Variants in EEA1 observed in about 807,000 individuals in gnomAD.
EEA1 encodes the protein early endosome antigen 1, 162kD.
In EEA1, 111 loss-of-function variants were observed where a neutral mutation model predicts 209.2. That is an observed-to-expected ratio of 0.53 (90% CI 0.45 to 0.62). The LOEUF (loss-of-function observed/expected upper bound fraction) is 0.62, where lower values mean the gene tolerates loss of function less well. Among genes scored for constraint, EEA1 ranks in the 20% least tolerant of loss-of-function variants. The probability of loss-of-function intolerance (pLI) is 0.00; values close to 1 mark genes in which losing one functional copy is unlikely to be tolerated. For missense variants in EEA1, 1,343 were observed against 1,530.8 expected (o/e 0.88, Z 2.05); for synonymous variants, 536 against 540.6 (o/e 0.99, Z 0.12).
In EEA1 at chr12:92,799,215, T is replaced by C. The variant is rs567267129; in HGVS notation, c.2773-129A>G. Reference sequence around the variant, plus strand: ...AAAAGACAATTTACTGAGTAACTACTACACTCCAGGCACTACTCTAGGAAG... The same window carrying C: ...AAAAGACAATTTACTGAGTAACTACCACACTCCAGGCACTACTCTAGGAAG... On this transcript the variant is annotated intron_variant, in intron 20 of 28. Coordinates refer to ENST00000322349, the MANE Select transcript of EEA1 (RefSeq NM_003566.4). 22 of 737,860 alleles carry C rather than the reference T, an allele frequency of 3.0e-5. No homozygotes were observed. The South Asian group carries it at 4.8e-4, about 16-fold the overall frequency. The allele number at this position is 737,860 out of a possible 1,614,324, so 45.7% of individuals were successfully genotyped here. A position where few individuals can be genotyped will look rare whatever the true frequency, so the allele number is the denominator to read the frequency against.
rs1439374206 is a variant in EEA1 at position 92,774,006 on chromosome 12, G to A, written c.*2005C>T. 1 of 126,050 alleles carries A rather than the reference G, an allele frequency of 7.9e-6. No homozygotes were observed. Among genetic ancestry groups the A allele is most frequent in the Non-Finnish European group, 1.6e-5 (1 of 60,824 alleles). The allele number at this position is 126,050 out of a possible 1,614,324, so 7.8% of individuals were successfully genotyped here. On this transcript the variant is annotated 3_prime_UTR_variant, in exon 29 of 29. Transcript: ENST00000322349. ...GAGTGGTGTTCAATTAGGAGACAAA[G>A]TAAACAAATATTCAAACCCAGATTT...
Position 92,884,812 on chromosome 12 carries a change from T to C in EEA1, c.117+6817A>G, listed in dbSNP as rs187040200. 171 of 719,036 alleles carry C rather than the reference T, an allele frequency of 2.4e-4. No individual in the cohort carries two copies. The African/African-American group carries it at 2.6e-3, about 11-fold the overall frequency. 44.5% of individuals were successfully genotyped at this position (719,036 alleles called of 1,614,324 possible). A position where few individuals can be genotyped will look rare whatever the true frequency, so the allele number is the denominator to read the frequency against. On this transcript the variant is annotated intron_variant, in intron 2 of 28. Coordinates refer to ENST00000322349, the MANE Select transcript of EEA1 (RefSeq NM_003566.4). ...AAGCACAGTGGTGGCAGGGCCTAGC[T>C]GCTACAAAGAAGACCTGTTTTAGAC...
chr12:92,776,028 T>G lies in EEA1; in HGVS notation c.4219A>C (p.Asn1407His). 1 of 1,611,010 alleles carries G rather than the reference T, an allele frequency of 6.2e-7. No homozygotes were observed. The highest frequency in any genetic ancestry group is 8.5e-7 in the Non-Finnish European group (1 of 1,178,058). ...ATAACCCATTATCCTTGCAAGTCAT[T>G]GAAACATGCATCACAGACACGAACA... ...KPVRVCDACF[N>H]DLQG The change falls in exon 29 of 29, where the codon AAT (asparagine) becomes CAT (histidine). Residue 1407 changes from asparagine to histidine, a missense_variant. Physicochemically the swap from Asn to His is moderately conservative, Grantham distance 68. Coordinates refer to ENST00000322349, the MANE Select transcript of EEA1 (RefSeq NM_003566.4).
At chr12:92,812,179 A>G (rs1035499907) in intron 16 of EEA1, among the ~76,000 whole-genome samples, 8 of 152,014 alleles carry the variant, frequency 5.3e-5, no homozygotes, top group African/African-American at 1.9e-4. Context: ...AAAATACAAA[A>G]TTAGCCAGGC....
chr12:92,895,557 C>T (rs1879843883), intron 1 of EEA1: 1 of 153,648 alleles, frequency 6.5e-6, no homozygotes, highest in South Asian at 2.0e-4. Flanking sequence ...ATTGACAATT[C>T]ACCTGGTCAC....
chr12:92,885,133 T>G (rs1036147246), intron 2 of EEA1, among the ~76,000 whole-genome samples: 10 of 152,024 alleles, frequency 6.6e-5, no homozygotes, highest in African/African-American at 2.2e-4. Flanking sequence ...AGGCTTCTGG[T>G]CAACAATAGG....
intron 22 of EEA1, among the ~76,000 whole-genome samples, chr12:92,787,047 TC>T (rs1303010003): frequency 6.6e-6 from 1 of 152,164 alleles, no homozygotes; most frequent in Non-Finnish European, 1.5e-5. Context: ...AAGTCCCACC[TC>T]CTTCATAATT....
In EEA1 at chr12:92,773,021, C is replaced by A. The variant is rs988809237; in HGVS notation, c.*2990G>T. Reference sequence around the variant, plus strand: ...ATTCAGGCTAAGGGCAATTAAGACACAATAATGTGTGGCACGTTATAATTA... The same window carrying A: ...ATTCAGGCTAAGGGCAATTAAGACAAAATAATGTGTGGCACGTTATAATTA... On this transcript the variant is annotated 3_prime_UTR_variant, in exon 29 of 29. Transcript: ENST00000322349. 2.6e-5 allele frequency: 4 copies of A among 152,070 alleles called. No individual in the cohort carries two copies. In the South Asian group the frequency reaches 8.3e-4, roughly 32 times the overall value. 9.4% of individuals were successfully genotyped at this position (152,070 alleles called of 1,614,324 possible).
intron 15 of EEA1, among the ~76,000 whole-genome samples, chr12:92,815,547 ATCAAGCCT>A (rs1487244560): frequency 6.6e-6 from 1 of 152,166 alleles, no homozygotes; most frequent in Non-Finnish European, 1.5e-5. Context: ...TTACAGTAAA[ATCAAGCCT>A]TGAACTATTT....
chr12:92,811,379 T>G lies in EEA1; in HGVS notation c.2099A>C (p.Lys700Thr). The change falls in exon 17 of 29, where the codon AAG becomes ACG. Residue 700 changes from lysine (K) to threonine (T), a missense_variant. Physicochemically the swap from Lys to Thr is moderately conservative, Grantham distance 78 (BLOSUM62 -1). This residue lies in a region of EEA1 where 1,307 missense variants were observed against 1,465.5 expected (regional missense o/e 0.89). Transcript: ENST00000322349. Reference sequence around the variant, plus strand: ...TTCCAGCTGACTGCAATGTTCTTGCTTGTCTTGTAACTTTGCAGTGACCTG... The same window carrying G: ...TTCCAGCTGACTGCAATGTTCTTGCGTGTCTTGTAACTTTGCAGTGACCTG... Reference protein sequence around the residue: ...LDQVTAKLQDKQEHCSQLESH... With the variant: ...LDQVTAKLQDTQEHCSQLESH... 1.2e-6 allele frequency: 2 copies of G among 1,605,760 alleles called. 1 individual carries two copies. The highest frequency in any genetic ancestry group is 2.2e-5 in the South Asian group (2 of 90,104).
intron 26 of EEA1, 73 bp downstream of exon 26, chr12:92,777,868 A>G: frequency 3.4e-6 from 5 of 1,452,092 alleles, no homozygotes; most frequent in Non-Finnish European, 4.7e-6. Flanking sequence ...TTCTATTTTT[A>G]AAAACTATGG....
chr12:92,826,025 C>G, intron 13 of EEA1, 141 bp downstream of exon 13: 1 of 836,082 alleles, frequency 1.2e-6, no homozygotes. Context: ...AAATCCCTCA[C>G]AATCAAGTAT....
At position 92,852,954 on chromosome 12, in the gene EEA1, A is replaced by G. The variant is rs1417130325; in HGVS notation, c.478T>C (p.Leu160=). ...AGTTGGGCTGCTTTCTGTTCAAATA[A>G]GTCTTTCATTTGCTTAATATTAAAA... ...ENFNIKQMKD[L]FEQKAAQLAT... Residue 160 remains leucine (L), a synonymous_variant, in exon 7 of 29, where the codon TTA becomes CTA. Coordinates refer to ENST00000322349, the MANE Select transcript of EEA1 (RefSeq NM_003566.4). 1 of 1,612,468 alleles carries G rather than the reference A, an allele frequency of 6.2e-7. No homozygotes were observed. Among genetic ancestry groups the G allele is most frequent in the East Asian group, 2.2e-5 (1 of 44,706 alleles).
chr12:92,843,198 C>G (rs1877246509), intron 9 of EEA1, among the ~76,000 whole-genome samples: 1 of 152,082 alleles, frequency 6.6e-6, no homozygotes, highest in South Asian at 2.1e-4. Context: ...TGCTCTGTCA[C>G]CCAGGCTTGA....
chr12:92,857,180 G>A (rs1228831209), intron 5 of EEA1, 95 bp downstream of exon 5: 8 of 863,470 alleles, frequency 9.3e-6, no homozygotes, highest in Admixed American at 2.9e-5. Flanking sequence ...ATTTATATCA[G>A]GCCGCCACCT....
At chr12:92,797,589 GTTTT>G (rs1874713875) in intron 21 of EEA1, among the ~76,000 whole-genome samples, 1 of 151,974 alleles carries the variant, frequency 6.6e-6, no homozygotes, top group African/African-American at 2.4e-5. Flanking sequence ...AAATACTTGT[GTTTT>G]TTATTTCACT....
intron 9 of EEA1, among the ~76,000 whole-genome samples, chr12:92,850,130 T>C (rs935669862): frequency 7.9e-5 from 12 of 152,334 alleles, no homozygotes; most frequent in Middle Eastern, 3.4e-3. Flanking sequence ...CGAATAAATA[T>C]GAGCAGTCTT....
intron 9 of EEA1, among the ~76,000 whole-genome samples, chr12:92,843,166 TA>T (rs1434848757): frequency 2.0e-5 from 3 of 152,134 alleles, no homozygotes; most frequent in Non-Finnish European, 2.9e-5. Context: ...TAATTATTAT[TA>T]TTTTTTTTTA....
rs1565867691 is a variant in EEA1, at chr12:92,929,114, G to T, written c.-48C>A. 6.4e-7 allele frequency: 1 copy of T among 1,559,142 alleles called. No individual in the cohort carries two copies. On this transcript the variant is annotated 5_prime_UTR_variant, in exon 1 of 29. Coordinates refer to ENST00000322349, the MANE Select transcript of EEA1 (RefSeq NM_003566.4). Reference sequence around the variant, plus strand: ...GCCGCGGTGACTCTCCAGACCCTGCGCGGGGCCACTCACTACTCGGGGTGC... The same window carrying T: ...GCCGCGGTGACTCTCCAGACCCTGCTCGGGGCCACTCACTACTCGGGGTGC...
Sources: allele counts gnomAD v4.1 joint callset (sites outside exome capture counted in the v4.1 genomes callset), GRCh38; gene constraint gnomAD v4.1.1; regional missense constraint gnomAD v4.1.1; transcripts MANE v1.5; gene names NCBI Gene and HGNC (gene_info 2026-07-23, HGNC 2026-07-21).